The following PLD5 variants were observed in gnomAD, a reference collection of about 807,000 sequenced individuals.
PLD5 encodes the protein phospholipase D family member 5, also known as inactive phospholipase D5.
In PLD5, 36 loss-of-function variants were observed where a neutral mutation model predicts 61.1. The ratio of observed to expected loss-of-function variants is 0.59; its 90% CI spans 0.45 to 0.78. The LOEUF is 0.78. Ranked by LOEUF, PLD5 falls within the 30% of genes least tolerant of loss-of-function variation. The pLI, the probability that PLD5 is intolerant of heterozygous loss-of-function variation, is 0.00. For synonymous variants in PLD5, 243 were observed against 242.8 expected, an observed-to-expected ratio of 1.00 and a Z score of -0.01; for missense variants, 515 against 644.4, an observed-to-expected ratio of 0.80 and a Z score of 2.17.
chr1:242,426,758 A>T (rs1482918182), intron 1 of PLD5, among the ~76,000 whole-genome samples: 1 of 152,234 alleles, frequency 6.6e-6, no homozygotes, highest in African/African-American at 2.4e-5. Flanking sequence ...TTCTTAGATC[A>T]TTGGGGCAGA....
At position 242,100,800 on chromosome 1, in the gene PLD5, A is replaced by C. The variant is rs12124966; in HGVS notation, c.1240-18T>G. 6.8e-7 allele frequency: 1 copy of C among 1,469,830 alleles called. No individual in the cohort carries two copies. Among genetic ancestry groups the C allele is most frequent in the African/African-American group, 1.4e-5 (1 of 71,322 alleles). The allele number at this position is 1,469,830 out of a possible 1,614,324, so 91.0% of individuals were successfully genotyped here. A position where few individuals can be genotyped will look rare whatever the true frequency, so the allele number is the denominator to read the frequency against. On this transcript the variant is annotated intron_variant, in intron 8 of 9. Coordinates refer to ENST00000536534, the MANE Select transcript of PLD5 (RefSeq NM_001372062.1). ...AAAAATTTCTGTAAGAAAAAAAAAA[A>C]GGGGGCAGGTAAATAAGAGGAACGT... is the stretch of plus-strand genomic sequence containing the variant.
At chr1:242,163,185 C>T (rs1204770062) in intron 5 of PLD5, among the ~76,000 whole-genome samples, 1 of 146,394 alleles carries the variant, frequency 6.8e-6, no homozygotes, top group African/African-American at 2.5e-5. Context: ...ACTCTGTCAC[C>T]CAGGCTGGAG....
intron 5 of PLD5, among the ~76,000 whole-genome samples, chr1:242,143,401 G>A (rs1664320147): frequency 6.6e-6 from 1 of 152,106 alleles, no homozygotes; most frequent in African/African-American, 2.4e-5. Flanking sequence ...CTTTTGCCAA[G>A]TATTCTGTGA....
chr1:242,187,131 G>T (rs555540451), intron 5 of PLD5, among the ~76,000 whole-genome samples: 1 of 152,320 alleles, frequency 6.6e-6, no homozygotes, highest in East Asian at 1.9e-4. Context: ...ACGGTCAGGT[G>T]GCAGCCAGTG....
At chr1:242,236,684 T>C (rs943314724) in intron 4 of PLD5, among the ~76,000 whole-genome samples, 1 of 152,336 alleles carries the variant, frequency 6.6e-6, no homozygotes, top group South Asian at 2.1e-4. Flanking sequence ...AGAGTTTTCA[T>C]AAACTGTTTT....
At chr1:242,415,087 A>G (rs1664747536) in intron 1 of PLD5, among the ~76,000 whole-genome samples, 1 of 152,218 alleles carries the variant, frequency 6.6e-6, no homozygotes, top group African/African-American at 2.4e-5. Flanking sequence ...CAAAAATCCA[A>G]AAGTTTAGCG....
intron 5 of PLD5, among the ~76,000 whole-genome samples, chr1:242,174,806 A>T (rs1393005289): frequency 6.6e-6 from 1 of 151,990 alleles, no homozygotes; most frequent in Admixed American, 6.6e-5. Flanking sequence ...AGGACAAAAA[A>T]CCAAACACCG....
intron 5 of PLD5, among the ~76,000 whole-genome samples, chr1:242,174,646 A>G (rs996884459): frequency 6.6e-6 from 1 of 152,212 alleles, no homozygotes; most frequent in African/African-American, 2.4e-5. Context: ...CTTGGAACCA[A>G]CCCAAATGTC....
chr1:242,132,046 G>A (rs565214758), intron 5 of PLD5, among the ~76,000 whole-genome samples: 31 of 151,798 alleles, frequency 2.0e-4, no homozygotes, highest in African/African-American at 7.5e-4. Flanking sequence ...GGCCAGGATG[G>A]TCTTGAACTC....
intron 2 of PLD5, among the ~76,000 whole-genome samples, chr1:242,318,579 G>T (rs1225135725): frequency 2.0e-5 from 3 of 152,138 alleles, no homozygotes; most frequent in African/African-American, 7.2e-5. Flanking sequence ...GTGGGATGTG[G>T]GATGCCTGCC....
chr1:242,354,902 CT>C (rs1247234238), intron 1 of PLD5, among the ~76,000 whole-genome samples: 2 of 151,244 alleles, frequency 1.3e-5, no homozygotes, highest in Non-Finnish European at 2.9e-5. Context: ...CTTATTTTTT[CT>C]GTCAATGTGG....
At chr1:242,231,946 AAAAAAAG>A (rs1417762561) in intron 4 of PLD5, among the ~76,000 whole-genome samples, 2 of 151,640 alleles carry the variant, frequency 1.3e-5, no homozygotes, top group African/African-American at 2.4e-5. Flanking sequence ...AAGGAAAAAA[AAAAAAAG>A]AAAGAAAAAG....
intron 2 of PLD5, among the ~76,000 whole-genome samples, chr1:242,297,534 T>G (rs1233928288): frequency 6.6e-6 from 1 of 151,588 alleles, no homozygotes; most frequent in Non-Finnish European, 1.5e-5. Context: ...TACCCCTGAG[T>G]AGCTGGGAGT....
intron 5 of PLD5, among the ~76,000 whole-genome samples, chr1:242,169,179 G>A (rs1251025567): frequency 6.6e-6 from 1 of 152,102 alleles, no homozygotes; most frequent in Admixed American, 6.5e-5. Context: ...GCTCTAGTCT[G>A]CAGCTCCCAG....
intron 5 of PLD5, among the ~76,000 whole-genome samples, chr1:242,215,098 C>G (rs1670083738): frequency 6.7e-6 from 1 of 148,586 alleles, no homozygotes; most frequent in African/African-American, 2.5e-5. Context: ...CCGTGTTAAC[C>G]AGAATGGTCT....
chr1:242,477,023 G>T (rs1349531137), intron 1 of PLD5, among the ~76,000 whole-genome samples: 3 of 152,202 alleles, frequency 2.0e-5, no homozygotes, highest in African/African-American at 7.2e-5. Flanking sequence ...GCCGAGGTGG[G>T]TGGATCACTT....
intron 2 of PLD5, among the ~76,000 whole-genome samples, chr1:242,293,843 G>A (rs3907662): frequency 1.4e-4 from 22 of 152,078 alleles, no homozygotes; most frequent in South Asian, 4.1e-4. Flanking sequence ...CTTCTGGGAC[G>A]CATGGCTGTT....
chr1:242,257,961 C>G (rs541719868), intron 4 of PLD5, among the ~76,000 whole-genome samples: 23 of 152,280 alleles, frequency 1.5e-4, no homozygotes, highest in African/African-American at 5.5e-4. Context: ...GAACCAAGCT[C>G]TCATGATTAG....
chr1:242,190,330 T>C (rs536651875), intron 5 of PLD5, among the ~76,000 whole-genome samples: 169 of 151,246 alleles, frequency 1.1e-3, no homozygotes, highest in Non-Finnish European at 1.7e-3. Flanking sequence ...GTACTTTTAG[T>C]AGAGACGGGG....
Sources: gnomAD v4.1 joint callset for allele counts (sites outside exome capture counted in the v4.1 genomes callset) on GRCh38, gnomAD v4.1.1 for gene constraint, MANE v1.5 for transcripts, NCBI Gene and HGNC (gene_info 2026-07-23, HGNC 2026-07-21) for gene names.